Variants in TENM1 observed in about 807,000 individuals in gnomAD.
TENM1 encodes the protein teneurin transmembrane protein 1.
Under a neutral mutation model 174.8 loss-of-function variants are expected in TENM1, and 35 were observed. The observed-to-expected ratio is 0.20, with a 90% CI of 0.15 to 0.27. The LOEUF (loss-of-function observed/expected upper bound fraction) is 0.27, where lower values mean the gene tolerates loss of function less well. TENM1 is among the 10% of genes least tolerant of loss of function. The probability of loss-of-function intolerance (pLI) is 1.00; values close to 1 mark genes in which losing one functional copy is unlikely to be tolerated. For synonymous variants in TENM1, 781 were observed against 798.7 expected, an observed-to-expected ratio of 0.98 and a Z score of 0.37; for missense variants, 1,633 against 2,130.1, an observed-to-expected ratio of 0.77 and a Z score of 4.59.
chrX:124,708,365 T>C (rs967054592), intron 4 of TENM1, among the ~76,000 whole-genome samples: 1 of 111,393 alleles, frequency 9.0e-6, no homozygotes, highest in Non-Finnish European at 1.9e-5. Flanking sequence ...GAGTACAGAT[T>C]CACAGGTCTT....
At chrX:125,030,580 T>C in the TENM1 span, among the ~76,000 whole-genome samples, 1 of 112,358 alleles carries the variant, frequency 8.9e-6, no homozygotes, top group African/African-American at 3.2e-5. Flanking sequence ...GTATGACAGA[T>C]GTGAAAAGTT....
intron 4 of TENM1, among the ~76,000 whole-genome samples, chrX:124,711,348 G>A (rs2053045575): frequency 8.9e-6 from 1 of 111,839 alleles, no homozygotes; most frequent in Non-Finnish European, 1.9e-5. Context: ...TAATTCTGAG[G>A]GTATCTGCTA....
intron 18 of TENM1, among the ~76,000 whole-genome samples, chrX:124,516,757 CA>C (rs1462304471): frequency 3.6e-5 from 4 of 111,851 alleles, no homozygotes; most frequent in Non-Finnish European, 7.5e-5. Flanking sequence ...GTCAATTCTT[CA>C]AAGACCTAAA....
chrX:124,737,291 T>C, intron 3 of TENM1, 94 bp from the exon 7 acceptor site: 1 of 988,003 alleles, frequency 1.0e-6, no homozygotes, highest in Non-Finnish European at 1.3e-6. Flanking sequence ...GGATTTCAGA[T>C]AATAAAACCT....
At chrX:124,409,003 C>T (rs1455133524) in intron 25 of TENM1, among the ~76,000 whole-genome samples, 3 of 109,332 alleles carry the variant, frequency 2.7e-5, no homozygotes, top group African/African-American at 6.7e-5. Context: ...ATGAACTCAT[C>T]GTTTTTTATG....
the TENM1 span, among the ~76,000 whole-genome samples, chrX:125,165,154 T>G: frequency 3.6e-5 from 4 of 111,732 alleles, no homozygotes; most frequent in Non-Finnish European, 7.5e-5. Flanking sequence ...TAGCCTCTAG[T>G]TAACAAAATT....
chrX:125,169,245 A>C, the TENM1 span, among the ~76,000 whole-genome samples: 2 of 111,726 alleles, frequency 1.8e-5, no homozygotes, highest in Admixed American at 1.9e-4. Context: ...TTTGTCACGT[A>C]TTTGTCAGGA....
chrX:125,078,608 T>C, the TENM1 span, among the ~76,000 whole-genome samples: 1 of 111,736 alleles, frequency 8.9e-6, no homozygotes, highest in Non-Finnish European at 1.9e-5. Flanking sequence ...TTTTTCTTAA[T>C]TGCAGGTTCC....
intron 19 of TENM1, among the ~76,000 whole-genome samples, chrX:124,500,999 G>A (rs1051545335): frequency 1.8e-5 from 2 of 111,187 alleles, no homozygotes; most frequent in African/African-American, 3.3e-5. Flanking sequence ...TATTTTGGAG[G>A]ATAAGTTAAA....
chrX:124,671,964 T>C, intron 5 of TENM1, 129 bp from the exon 9 acceptor site: 1 of 596,736 alleles, frequency 1.7e-6, no homozygotes, highest in Non-Finnish European at 2.7e-6. Flanking sequence ...ACTGGGAGTT[T>C]ATACCTATAC....
chrX:125,087,876 A>G, the TENM1 span, among the ~76,000 whole-genome samples: 17 of 111,830 alleles, frequency 1.5e-4, no homozygotes, highest in African/African-American at 5.5e-4. Context: ...GATGAGGCAA[A>G]TATCCTGTGA....
intron 15 of TENM1, among the ~76,000 whole-genome samples, chrX:124,534,179 T>G (rs963047145): frequency 3.6e-4 from 40 of 112,127 alleles, no homozygotes; most frequent in African/African-American, 1.3e-3. Flanking sequence ...CTCTAGGTGT[T>G]TGGAGCTTGG....
At chrX:124,398,024 A>C (rs1195558013) in intron 27 of TENM1, among the ~76,000 whole-genome samples, 2 of 109,552 alleles carry the variant, frequency 1.8e-5, no homozygotes, top group East Asian at 3.0e-4. Context: ...GTCAGGAGAT[A>C]GAGACCATCC....
chrX:124,981,692 T>C, the TENM1 span, among the ~76,000 whole-genome samples: 1 of 111,319 alleles, frequency 9.0e-6, no homozygotes, highest in East Asian at 2.8e-4. Flanking sequence ...CATTTGTGGG[T>C]ACAAACTCTC....
intron 14 of TENM1, among the ~76,000 whole-genome samples, chrX:124,548,788 C>T (rs970532915): frequency 2.7e-5 from 3 of 110,803 alleles, no homozygotes; most frequent in East Asian, 5.7e-4. Context: ...GAGTTAGAGG[C>T]GGGTGTACCA....
intron 1 of TENM1, among the ~76,000 whole-genome samples, chrX:124,960,538 G>T (rs1314521208): frequency 8.9e-6 from 1 of 111,853 alleles, no homozygotes; most frequent in Non-Finnish European, 1.9e-5. Context: ...TGAATAAAAA[G>T]AATCCGTTGA....
intron 3 of TENM1, among the ~76,000 whole-genome samples, chrX:124,882,069 G>T (rs909445569): frequency 8.9e-6 from 1 of 112,188 alleles, no homozygotes. Context: ...GTTTTCATTT[G>T]TGTGAAGAGA....
chrX:124,578,120 G>T (rs185583043), intron 11 of TENM1, among the ~76,000 whole-genome samples: 16 of 110,036 alleles, frequency 1.5e-4, no homozygotes, highest in African/African-American at 4.6e-4. Context: ...TAGAGATTGG[G>T]TCTCACTATG....
At chrX:124,450,378 T>A (rs1026205253) in intron 23 of TENM1, among the ~76,000 whole-genome samples, 123 of 82,797 alleles carry the variant, frequency 1.5e-3, no homozygotes, top group African/African-American at 5.2e-3. Context: ...AAAAAAAAAA[T>A]GGGAGTTTCC....
Sources: allele counts gnomAD v4.1 joint callset (sites outside exome capture counted in the v4.1 genomes callset), GRCh38; gene constraint gnomAD v4.1.1; transcripts MANE v1.5; gene names NCBI Gene and HGNC (gene_info 2026-07-23, HGNC 2026-07-21).